DNAH9: variants seen among roughly 807,000 people sequenced by gnomAD.
DNAH9 encodes DNAH9 variant protein.
Under a neutral mutation model 471.6 loss-of-function variants are expected in DNAH9, and 345 were observed. The ratio of observed to expected loss-of-function variants is 0.73; its 90% confidence interval spans 0.67 to 0.80. The LOEUF (loss-of-function observed/expected upper bound fraction) is 0.80, where lower values mean the gene tolerates loss of function less well. Among genes scored for constraint, DNAH9 ranks in the 30% least tolerant of loss-of-function variants. DNAH9 has a pLI of 0.00. For synonymous variants in DNAH9, 2,093 were observed against 2,123.6 expected, an observed-to-expected ratio of 0.99 and a Z score of 0.40; for missense variants, 5,407 against 5,609.2, an observed-to-expected ratio of 0.96 and a Z score of 1.15.
chr17:11,715,979 G>A (rs1326347080), intron 26 of DNAH9, among the ~76,000 whole-genome samples: 5 of 152,126 alleles, frequency 3.3e-5, no homozygotes, highest in Non-Finnish European at 5.9e-5. Context: ...GAATCCTAGA[G>A]CAGGGATATG....
At position 11,679,894 on chromosome 17, in the gene DNAH9, A is replaced by T. The variant is rs752501940; in HGVS notation, c.3491A>T (p.Glu1164Val). ...AAAGAACGGCAGAGTAACACTGATG[A>T]GATGTTTGAGCCCTTAAAGCAGACT... Reference protein sequence around the residue: ...AVKERQSNTDEMFEPLKQTIE... With the variant: ...AVKERQSNTDVMFEPLKQTIE... Residue 1164 changes from glutamate to valine, a missense_variant, in exon 18 of 69, where the codon GAG becomes GTG. Physicochemically the swap from Glu to Val is moderately radical, Grantham distance 121. Around this residue, in one of 3 missense-constraint regions of DNAH9, gnomAD observed 4,636 missense variants for 4,900.3 expected, o/e 0.95. Coordinates refer to ENST00000262442, the MANE Select transcript of DNAH9 (RefSeq NM_001372.4). 8 of 1,613,982 alleles carry T rather than the reference A, an allele frequency of 5.0e-6. No homozygotes were observed. Among genetic ancestry groups the T allele is most frequent in the Non-Finnish European group, 5.9e-6 (7 of 1,179,972 alleles).
intron 1 of DNAH9, among the ~76,000 whole-genome samples, chr17:11,605,674 AT>A (rs59748847): frequency 8.3e-5 from 12 of 144,988 alleles, no homozygotes; most frequent in South Asian, 2.2e-4. Context: ...CAATTTTTCT[AT>A]TTTTTTTTTT....
At chr17:11,821,397 G>A (rs931232999) in intron 45 of DNAH9, among the ~76,000 whole-genome samples, 19 of 151,570 alleles carry the variant, frequency 1.3e-4, no homozygotes, top group Non-Finnish European at 1.8e-4. Context: ...GATTTAAGGC[G>A]TCCTGCTTAT....
intron 47 of DNAH9, 84 bp downstream of exon 47, chr17:11,822,683 G>T (rs1970350349): frequency 6.3e-7 from 1 of 1,593,478 alleles, no homozygotes; most frequent in Non-Finnish European, 8.6e-7. Context: ...TAGGGTTAAA[G>T]ATCAAGCTTG....
At chr17:11,928,138 T>C (rs368930765) in intron 62 of DNAH9, among the ~76,000 whole-genome samples, 269 of 117,426 alleles carry the variant, frequency 2.3e-3, no homozygotes, top group Middle Eastern at 4.2e-3. Flanking sequence ...TTCATTCATT[T>C]ATTTATTTAT....
Position 11,690,051 on chromosome 17 carries a change from A to T in DNAH9, c.4229A>T (p.Gln1410Leu), listed in dbSNP as rs2074306186. 1 of 1,614,082 alleles carries T rather than the reference A, an allele frequency of 6.2e-7. No individual in the cohort carries two copies. The highest frequency in any genetic ancestry group is 1.1e-5 in the South Asian group (1 of 91,090). Residue 1410 changes from glutamine (Q) to leucine (L), a missense_variant, in exon 20 of 69, where the codon CAG (glutamine) becomes CTG (leucine). By Grantham distance (113) the Gln-to-Leu change is moderately radical. Coordinates refer to ENST00000262442, the MANE Select transcript of DNAH9 (RefSeq NM_001372.4). ...DQDTTLAHLL[Q>L]LQLHHYEDEV... ...GACACCACCCTAGCGCACCTGCTGC[A>T]GCTCCAGCTGCACCACTATGAGGAT...
intron 68 of DNAH9, among the ~76,000 whole-genome samples, chr17:11,968,277 C>T (rs990457588): frequency 2.0e-5 from 3 of 152,232 alleles, no homozygotes; most frequent in African/African-American, 7.2e-5. Flanking sequence ...GAGGTCCCCA[C>T]TGTTTACCTT....
chr17:11,770,050 A>G (rs1422221755), intron 38 of DNAH9, among the ~76,000 whole-genome samples: 1 of 152,144 alleles, frequency 6.6e-6, no homozygotes, highest in Non-Finnish European at 1.5e-5. Flanking sequence ...CTTCCCAAAC[A>G]CCGACAGCCT....
In DNAH9 at chr17:11,967,209, C is replaced by T. The variant is rs564817523; in HGVS notation, c.13234-2091C>T. On this transcript the variant is annotated intron_variant, in intron 68 of 68. Coordinates refer to ENST00000262442, the MANE Select transcript of DNAH9 (RefSeq NM_001372.4). Reference sequence around the variant, plus strand: ...GCAGCCTCAACTTCCTGGGCTCAAGCAATCCTCTTGCCTCAGTTCCCAAGT... The same window carrying T: ...GCAGCCTCAACTTCCTGGGCTCAAGTAATCCTCTTGCCTCAGTTCCCAAGT... Among the ~76,000 whole-genome samples the T allele has an allele frequency of 2.0e-5, 3 of 151,858 alleles. 1 individual carries two copies. In the South Asian group the frequency reaches 6.3e-4, roughly 32 times the overall value.
chr17:11,810,274 C>T lies in DNAH9; in HGVS notation c.8612C>T (p.Ala2871Val), dbSNP rs754584773. The part of the protein sequence containing the change: ...KMDLASLCLK[A>V]GVKNLNTVFL... The stretch of plus-strand genomic sequence containing the variant: ...GACCTGGCCAGCCTGTGTCTGAAAG[C>T]TGGAGTGAAGAATCTCAACACAGTG... The change falls in exon 45 of 69, where the codon GCT (alanine) becomes GTT (valine). Residue 2871 changes from alanine (A) to valine (V), a missense_variant. Coordinates refer to ENST00000262442, the MANE Select transcript of DNAH9 (RefSeq NM_001372.4). 9.9e-6 allele frequency: 16 copies of T among 1,613,360 alleles called. No homozygotes were observed. Among genetic ancestry groups the T allele is most frequent in the Non-Finnish European group, 1.2e-5 (14 of 1,179,682 alleles).
chr17:11,850,141 A>G (rs964336528), intron 49 of DNAH9, among the ~76,000 whole-genome samples: 1 of 152,212 alleles, frequency 6.6e-6, no homozygotes, highest in African/African-American at 2.4e-5. Context: ...GAGTAGGAGA[A>G]GCAATGAGGC....
At chr17:11,736,033 A>G (rs942530764) in intron 28 of DNAH9, among the ~76,000 whole-genome samples, 1 of 152,046 alleles carries the variant, frequency 6.6e-6, no homozygotes, top group African/African-American at 2.4e-5. Context: ...AACCAATTTT[A>G]GATTTATAGA....
At chr17:11,666,066 G>A (rs187778356) in intron 15 of DNAH9, among the ~76,000 whole-genome samples, 1 of 152,184 alleles carries the variant, frequency 6.6e-6, no homozygotes, top group Admixed American at 6.5e-5. Context: ...AGGAAATCCA[G>A]CATAGTTAGC....
intron 13 of DNAH9, among the ~76,000 whole-genome samples, chr17:11,652,280 C>CTTTTTTTT (rs11450398): frequency 2.3e-4 from 18 of 79,138 alleles, no homozygotes; most frequent in East Asian, 4.6e-4. Flanking sequence ...TAAGGGTAGG[C>CTTTTTTTT]TTTTTTTTTT....
At chr17:11,963,358 C>T (rs963778430) in intron 68 of DNAH9, among the ~76,000 whole-genome samples, 7 of 151,206 alleles carry the variant, frequency 4.6e-5, no homozygotes, top group African/African-American at 9.7e-5. Context: ...CGCTTGAACC[C>T]GGGAGGTGGA....
chr17:11,662,530 T>C (rs2073787744), intron 14 of DNAH9, among the ~76,000 whole-genome samples: 1 of 152,086 alleles, frequency 6.6e-6, no homozygotes, highest in African/African-American at 2.4e-5. Context: ...CAGATTATTT[T>C]CTGAATCTGT....
chr17:11,635,618 G>A (rs1388945455), intron 8 of DNAH9, among the ~76,000 whole-genome samples: 1 of 152,168 alleles, frequency 6.6e-6, no homozygotes, highest in Non-Finnish European at 1.5e-5. Context: ...GGTTATCATG[G>A]AAGGCACGTT....
rs1293510529 is a variant in DNAH9 at position 11,626,241 on chromosome 17, C to G, written c.1351-3176C>G. ...AGATATTTAAAAAATATCATTTAAA[C>G]TTCTTATTGATTTAAATTGCCTTTT... On this transcript the variant is annotated intron_variant, in intron 6 of 68. Transcript: ENST00000262442. The surrounding 1 kb of genome is among the most constrained non-coding windows in gnomAD (Gnocchi z 4.3). 2.6e-5 allele frequency among the ~76,000 whole-genome samples: 4 copies of G among 152,170 alleles called. No individual in the cohort carries two copies. The East Asian group carries it at 7.7e-4, about 29-fold the overall frequency.
chr17:11,689,847 A>G lies in DNAH9; in HGVS notation c.4025A>G (p.His1342Arg). Reference protein sequence around the residue: ...MELECKQFARHIRNLDKEVRA... With the variant: ...MELECKQFARRIRNLDKEVRA... ...TTGGAGTGCAAACAGTTTGCCCGGC[A>G]TATCCGAAACCTGGACAAGGAGGTC... The change falls in exon 20 of 69, where the codon CAT becomes CGT. Residue 1342 changes from histidine to arginine, a missense_variant. Physicochemically the swap from His to Arg is conservative, Grantham distance 29. Around this residue, in one of 3 missense-constraint regions of DNAH9, gnomAD observed 4,636 missense variants for 4,900.3 expected, o/e 0.95. Coordinates refer to ENST00000262442, the MANE Select transcript of DNAH9 (RefSeq NM_001372.4). The G allele has an allele frequency of 6.2e-7, 1 of 1,612,370 alleles. No individual in the cohort carries two copies. Among genetic ancestry groups the G allele is most frequent in the Non-Finnish European group, 8.5e-7 (1 of 1,178,996 alleles).
Sources: allele counts gnomAD v4.1 joint callset (sites outside exome capture counted in the v4.1 genomes callset), GRCh38; gene constraint gnomAD v4.1.1; regional missense constraint gnomAD v4.1.1; non-coding constraint Gnocchi (gnomAD v3.1); transcripts MANE v1.5; gene names NCBI Gene and HGNC (gene_info 2026-07-23, HGNC 2026-07-21).